Variants in ARHGAP40 observed in about 807,000 individuals in gnomAD.
ARHGAP40 encodes the protein rho GTPase-activating protein 40.
A neutral mutation model predicts 73.5 loss-of-function variants in ARHGAP40; 43 were observed. The observed-to-expected ratio is 0.58, with a 90% CI of 0.46 to 0.75. The LOEUF (loss-of-function observed/expected upper bound fraction) is 0.75. Among genes scored for constraint, ARHGAP40 ranks in the 30% least tolerant of loss-of-function variants. The pLI, the probability that ARHGAP40 is intolerant of heterozygous loss-of-function variation, is 0.00. For missense variants in ARHGAP40, 734 were observed against 861.8 expected, an observed-to-expected ratio of 0.85 and a Z score of 1.86; for synonymous variants, 300 against 352.8, an observed-to-expected ratio of 0.85 and a Z score of 1.68.
rs568291637 is a variant in ARHGAP40 at position 38,602,882 on chromosome 20, A to T, written c.137+803A>T. Among the ~76,000 whole-genome samples, 189 of 152,286 alleles carry T rather than the reference A, an allele frequency of 1.2e-3. 1 individual carries two copies. Among genetic ancestry groups the T allele is most frequent in the African/African-American group, 4.2e-3 (176 of 41,542 alleles). ...GGCCTGCCAGGATCCAACTTTATGGATATCTTTGGTTAATTTGAATCAGTT... is the reference window on the plus strand; with the variant it reads ...GGCCTGCCAGGATCCAACTTTATGGTTATCTTTGGTTAATTTGAATCAGTT... On this transcript the variant is annotated intron_variant, in intron 1 of 14. Transcript: ENST00000373345.
chr20:38,628,141 G>A (rs2088914273), intron 3 of ARHGAP40, among the ~76,000 whole-genome samples: 1 of 152,192 alleles, frequency 6.6e-6, no homozygotes, highest in African/African-American at 2.4e-5. Flanking sequence ...TGCAAATTAA[G>A]GGGTGAGTTA....
rs77358761 is a variant in ARHGAP40, at chr20:38,620,041, G to A, written c.138-3318G>A. 8.9e-3 allele frequency among the ~76,000 whole-genome samples: 1,356 copies of A among 152,264 alleles called. 10 individuals are homozygous for A. Among genetic ancestry groups the A allele is most frequent in the African/African-American group, 0.03 (1,254 of 41,544 alleles). On this transcript the variant is annotated intron_variant, in intron 1 of 14. Transcript: ENST00000373345. ...GAGCTATGATCGCGCCATTGCCTTC[G>A]AGACAGAGCAAGACCCTTTCCAAAT...
At chr20:38,605,666 C>G (rs1479433464) in intron 1 of ARHGAP40, among the ~76,000 whole-genome samples, 1 of 152,108 alleles carries the variant, frequency 6.6e-6, no homozygotes, top group Non-Finnish European at 1.5e-5. Flanking sequence ...CACCTCCAAC[C>G]CACAAGAACA....
rs367976805 is a variant in ARHGAP40 at position 38,641,856 on chromosome 20, C to T, written c.1362+48C>T. 3.3e-6 allele frequency: 4 copies of T among 1,211,646 alleles called. No individual in the cohort carries two copies. The Admixed American group carries it at 1.4e-4, about 41-fold the overall frequency. 75.1% of individuals were successfully genotyped at this position (1,211,646 alleles called of 1,614,324 possible). ...ACCACTCTGCCATCTCAGCCCACAG[C>T]CACAGCCATGGCTTCAAATGTGCTC... On this transcript the variant is annotated intron_variant, in intron 10 of 14. Transcript: ENST00000373345.
intron 1 of ARHGAP40, among the ~76,000 whole-genome samples, chr20:38,609,887 C>G (rs1333551730): frequency 6.6e-6 from 1 of 152,206 alleles, no homozygotes; most frequent in Non-Finnish European, 1.5e-5. Flanking sequence ...GCCAGGAGAC[C>G]TGAAGGTAGG....
intron 1 of ARHGAP40, among the ~76,000 whole-genome samples, chr20:38,612,182 A>G (rs2088808429): frequency 6.6e-6 from 1 of 152,238 alleles, no homozygotes; most frequent in Non-Finnish European, 1.5e-5. Flanking sequence ...AAGTCTTCAA[A>G]ATCCAGTGTG....
At chr20:38,638,657 C>G (rs1331972305) in intron 7 of ARHGAP40, 104 bp from the exon 8 acceptor site, 1 of 810,762 alleles carries the variant, frequency 1.2e-6, no homozygotes, top group Admixed American at 2.6e-5. Context: ...AAACCCTTCT[C>G]CTGGTACTCC....
At chr20:38,638,771 G>T in exon 8 of ARHGAP40, 1 of 1,305,466 alleles carries the variant, frequency 7.7e-7, no homozygotes, top group South Asian at 1.2e-5. Flanking sequence ...CTGCTGTCCT[G>T]TTTGGAAAAG....
chr20:38,641,940 C>T (rs1281036856), intron 10 of ARHGAP40, 132 bp downstream of exon 10: 7 of 632,394 alleles, frequency 1.1e-5, no homozygotes, highest in Admixed American at 1.1e-4. Context: ...TGATGACCCA[C>T]ACAAACCTCT....
intron 9 of ARHGAP40, among the ~76,000 whole-genome samples, chr20:38,640,888 G>A (rs1054812080): frequency 2.6e-5 from 4 of 152,164 alleles, no homozygotes; most frequent in Non-Finnish European, 5.9e-5. Context: ...CTATAATGAT[G>A]CAATGATGCC....
At chr20:38,648,573 C>G in intron 13 of ARHGAP40, 70 bp from the exon 14 acceptor site, 3 of 1,228,298 alleles carry the variant, frequency 2.4e-6, no homozygotes, top group Non-Finnish European at 3.2e-6. Flanking sequence ...GGGCCATGCA[C>G]AGTTGTTGGT....
chr20:38,623,303 C>T, intron 1 of ARHGAP40, 56 bp from the exon 2 acceptor site: 1 of 1,210,078 alleles, frequency 8.3e-7, no homozygotes, highest in East Asian at 5.8e-5. Context: ...CTCAGCACAA[C>T]CCCCATCATA....
chr20:38,634,486 C>T, intron 5 of ARHGAP40, 134 bp from the exon 6 acceptor site: 2 of 641,188 alleles, frequency 3.1e-6, no homozygotes, highest in South Asian at 3.3e-5. Context: ...TGAGGATGGA[C>T]TCCTCTTGAG....
At chr20:38,626,553 C>G (rs994946968) in intron 2 of ARHGAP40, among the ~76,000 whole-genome samples, 15 of 152,174 alleles carry the variant, frequency 9.9e-5, no homozygotes, top group Non-Finnish European at 1.9e-4. Flanking sequence ...AATTCCAACA[C>G]AAATAAGGTC....
chr20:38,647,896 C>G (rs998237213), intron 13 of ARHGAP40, among the ~76,000 whole-genome samples: 1 of 152,172 alleles, frequency 6.6e-6, no homozygotes, highest in Non-Finnish European at 1.5e-5. Flanking sequence ...CATCTGGGAG[C>G]GAGGTGAGGC....
At chr20:38,629,647 G>A (rs2088925162) in exon 5 of ARHGAP40, 2 of 1,305,250 alleles carry the variant, frequency 1.5e-6, no homozygotes, top group Admixed American at 2.3e-5. Context: ...AGTGTTCCCT[G>A]CCGGTGAGGA....
intron 1 of ARHGAP40, chr20:38,615,518 G>A: frequency 1.6e-6 from 1 of 638,394 alleles, no homozygotes; most frequent in South Asian, 1.5e-5. Context: ...GTCTCCTTGG[G>A]CCCTTCAGTG....
At chr20:38,620,189 T>A (rs1447015310) in intron 1 of ARHGAP40, among the ~76,000 whole-genome samples, 4 of 152,254 alleles carry the variant, frequency 2.6e-5, no homozygotes, top group Non-Finnish European at 5.9e-5. Flanking sequence ...TGAGTACTTT[T>A]CTGCATGCGC....
intron 6 of ARHGAP40, 34 bp downstream of exon 6, chr20:38,634,819 C>T: frequency 8.1e-7 from 1 of 1,241,258 alleles, no homozygotes; most frequent in Non-Finnish European, 1.0e-6. Context: ...AGCCCTGTGG[C>T]CACAGTCCTC....
Sources: allele counts gnomAD v4.1 joint callset (sites outside exome capture counted in the v4.1 genomes callset), GRCh38; gene constraint gnomAD v4.1.1; transcripts MANE v1.5; gene names NCBI Gene and HGNC (gene_info 2026-07-23, HGNC 2026-07-21).